The following PRR14 variants were observed in gnomAD, a reference collection of about 807,000 sequenced individuals.
The protein encoded by PRR14 is proline rich 14.
In PRR14, 33 loss-of-function variants were observed where a neutral mutation model predicts 57.2. That is an observed-to-expected ratio of 0.58 (90% CI 0.44 to 0.77). PRR14 has a LOEUF of 0.77. Ranked by LOEUF, PRR14 falls within the 30% of genes least tolerant of loss-of-function variation. The pLI, the probability that PRR14 is intolerant of heterozygous loss-of-function variation, is 0.00. For missense variants in PRR14, 716 were observed against 788.1 expected, an observed-to-expected ratio of 0.91 and a Z score of 1.10; for synonymous variants, 303 against 314.7, an observed-to-expected ratio of 0.96 and a Z score of 0.39.
At chr16:30,653,328 T>C (rs2151258058) in intron 5 of PRR14, 37 bp from the exon 6 acceptor site, 1 of 1,610,212 alleles carries the variant, frequency 6.2e-7, no homozygotes, top group African/African-American at 1.3e-5. Flanking sequence ...AAGGGGGCTT[T>C]CCTGCCTCCC....
chr16:30,653,113 C>A lies in PRR14; in HGVS notation c.504+10C>A. The A allele has an allele frequency of 6.3e-7, 1 of 1,590,140 alleles. No homozygotes were observed. The highest frequency in any genetic ancestry group is 8.6e-7 in the Non-Finnish European group (1 of 1,166,518). ...TAGACCCCCCGCTGAGGTATGGGAA[C>A]TGAGGGTACGGATGTCAAGGGTTCT... On this transcript the variant is annotated intron_variant, in intron 5 of 11. Transcript: ENST00000300835.
At position 30,654,884 on chromosome 16, in the gene PRR14, C is replaced by T. The variant is rs1567539373; in HGVS notation, c.914C>T (p.Pro305Leu). The T allele has an allele frequency of 1.9e-6, 3 of 1,611,146 alleles. No individual in the cohort carries two copies. The highest frequency in any genetic ancestry group is 1.7e-4 in the Middle Eastern group (1 of 6,048). ...GCTGAGGGCACTGCGTCTGTCAGCC[C>T]CCGGCCCCCAATCCGCCAGTGGCGA... is the stretch of plus-strand genomic sequence containing the variant. Reference protein sequence around the residue: ...GAAEGTASVSPRPPIRQWRTQ... With the variant: ...GAAEGTASVSLRPPIRQWRTQ... The change falls in exon 8 of 12, where the codon CCC (proline) becomes CTC (leucine). Residue 305 changes from proline to leucine, a missense_variant. Transcript: ENST00000300835.
Position 30,651,876 on chromosome 16 carries a change from T to C in PRR14, c.104T>C (p.Leu35Pro). 1.2e-6 allele frequency: 2 copies of C among 1,606,544 alleles called. No homozygotes were observed. The highest frequency in any genetic ancestry group is 1.7e-6 in the Non-Finnish European group (2 of 1,177,230). The change falls in exon 3 of 12, where the codon CTG becomes CCG. Residue 35 changes from leucine to proline, a missense_variant. Transcript: ENST00000300835. This position sits in a 1 kb window ranked among gnomAD's most constrained non-coding sequence, Gnocchi z 5.0. The stretch of plus-strand genomic sequence containing the variant: ...GCCAGGAGCCCGAAACGGCCGAGGC[T>C]GCAGCTCCCGGGGGCCCCTTCTCCC... ...WGARSPKRPR[L>P]QLPGAPSPLE... is the part of the protein sequence containing the mutation.
rs2052310197 is a variant in PRR14 at position 30,651,448 on chromosome 16, G to T, written c.-50-148G>T. ...AGGCGGTGGCAGCGGGAGGACACCC[G>T]CTCCGGGCGACCGGCCGGGGGCGCC... On this transcript the variant is annotated intron_variant, in intron 1 of 11. Transcript: ENST00000300835. This position sits in a 1 kb window ranked among gnomAD's most constrained non-coding sequence, Gnocchi z 5.0. 4.1e-6 allele frequency: 2 copies of T among 493,342 alleles called. No homozygotes were observed. The highest frequency in any genetic ancestry group is 8.1e-5 in the Admixed American group (2 of 24,572). 30.6% of individuals were successfully genotyped at this position (493,342 alleles called of 1,614,324 possible).
Position 30,651,703 on chromosome 16 carries a change from C to T in PRR14, c.23+35C>T. On this transcript the variant is annotated intron_variant, in intron 2 of 11. Transcript: ENST00000300835. The surrounding 1 kb of genome is among the most constrained non-coding windows in gnomAD (Gnocchi z 5.0). ...TACCCGGGCGGCCCGCCTGTCTTGA[C>T]CCCGGGAGATGGGGATCCTGGCGAC... 6.2e-7 allele frequency: 1 copy of T among 1,612,346 alleles called. No individual in the cohort carries two copies. Among genetic ancestry groups the T allele is most frequent in the Non-Finnish European group, 8.5e-7 (1 of 1,179,672 alleles).
rs1352278502 is a variant in PRR14, at chr16:30,656,129, A to G, written c.1576A>G (p.Ser526Gly). 3 of 1,577,662 alleles carry G rather than the reference A, an allele frequency of 1.9e-6. No homozygotes were observed. Among genetic ancestry groups the G allele is most frequent in the Non-Finnish European group, 2.6e-6 (3 of 1,163,386 alleles). ...KLRRAVEFRD[S>G]SLPRSRRPSR... The stretch of plus-strand genomic sequence containing the variant: ...CCGGCGGGCTGTGGAATTTCGGGAC[A>G]GCAGCCTTCCTCGATCACGAAGACC... The change falls in exon 12 of 12, where the codon AGC becomes GGC. Residue 526 changes from serine (S) to glycine (G), a missense_variant. Ser to Gly is a moderately conservative substitution (Grantham distance 56, BLOSUM62 0). Coordinates refer to ENST00000300835, the MANE Select transcript of PRR14 (RefSeq NM_024031.5).
chr16:30,654,541 T>C, intron 7 of PRR14, 88 bp from the exon 8 acceptor site: 2 of 1,154,626 alleles, frequency 1.7e-6, no homozygotes, highest in South Asian at 2.9e-5. Context: ...GGTGGGCTAA[T>C]TCCCCTGTGC....
intron 3 of PRR14, 57 bp from the exon 4 acceptor site, chr16:30,652,664 C>T (rs2052324787): frequency 1.9e-6 from 3 of 1,609,748 alleles, no homozygotes; most frequent in Non-Finnish European, 2.5e-6. Context: ...ACAGGGAAAC[C>T]TTGTCCCGTC....
rs1342092160 is a variant in PRR14 at position 30,655,905 on chromosome 16, A to G, written c.1444A>G (p.Thr482Ala). 1.2e-6 allele frequency: 2 copies of G among 1,614,146 alleles called. No individual in the cohort carries two copies. Among genetic ancestry groups the G allele is most frequent in the Non-Finnish European group, 1.7e-6 (2 of 1,180,012 alleles). ...KKEFSLEEIY[T>A]NKNYQSPTTR... ...GGAGTTCAGCTTGGAAGAAATTTAC[A>G]CCAACAAGAATTACCAATCACCCAC... The change falls in exon 11 of 12, where the codon ACC becomes GCC. Residue 482 changes from threonine to alanine, a missense_variant. Thr to Ala is a moderately conservative substitution (Grantham distance 58). Transcript: ENST00000300835. The surrounding 1 kb of genome is among the most constrained non-coding windows in gnomAD (Gnocchi z 4.6).
rs754939551 is a variant in PRR14, at chr16:30,651,863, A to G, written c.91A>G (p.Lys31Glu). Residue 31 changes from lysine (K) to glutamate (E), a missense_variant, in exon 3 of 12, where the codon AAA (lysine) becomes GAA (glutamate). By Grantham distance (56) the Lys-to-Glu change is moderately conservative. Transcript: ENST00000300835. This position sits in a 1 kb window ranked among gnomAD's most constrained non-coding sequence, Gnocchi z 5.0. ...AGCATTATGGGGAGCCAGGAGCCCGAAACGGCCGAGGCTGCAGCTCCCGGG... is the reference window on the plus strand; with the variant it reads ...AGCATTATGGGGAGCCAGGAGCCCGGAACGGCCGAGGCTGCAGCTCCCGGG... ...TRALWGARSP[K>E]RPRLQLPGAP... 1.2e-6 allele frequency: 2 copies of G among 1,607,526 alleles called. No individual in the cohort carries two copies. The highest frequency in any genetic ancestry group is 8.5e-7 in the Non-Finnish European group (1 of 1,178,432).
Position 30,652,850 on chromosome 16 carries a change from T to C in PRR14, c.314+8T>C. ...GTGGTCCTCGCAGGCCAGGTGAGCATGGCAGGATGGGGGTAAGCCGAGGGC... is the reference window on the plus strand; with the variant it reads ...GTGGTCCTCGCAGGCCAGGTGAGCACGGCAGGATGGGGGTAAGCCGAGGGC... On this transcript the variant is annotated splice_region_variant and intron_variant, in intron 4 of 11. Transcript: ENST00000300835. 1 of 1,614,092 alleles carries C rather than the reference T, an allele frequency of 6.2e-7. No individual in the cohort carries two copies. Among genetic ancestry groups the C allele is most frequent in the Non-Finnish European group, 8.5e-7 (1 of 1,180,008 alleles).
In PRR14 at chr16:30,653,479, G is replaced by A. The variant is rs945382087; in HGVS notation, c.548+71G>A. 26 of 1,480,890 alleles carry A rather than the reference G, an allele frequency of 1.8e-5. 1 individual carries two copies. The Admixed American group carries it at 2.0e-4, about 11-fold the overall frequency. The allele number at this position is 1,480,890 out of a possible 1,614,324, so 91.7% of individuals were successfully genotyped here. A position where few individuals can be genotyped will look rare whatever the true frequency, so the allele number is the denominator to read the frequency against. ...CATCATCCAGGTAGCCAGAGCTAGGGGCATCGGGACTGACTGATCCAATCC... is the reference window on the plus strand; with the variant it reads ...CATCATCCAGGTAGCCAGAGCTAGGAGCATCGGGACTGACTGATCCAATCC... On this transcript the variant is annotated intron_variant, in intron 6 of 11. Transcript: ENST00000300835.
intron 7 of PRR14, 81 bp from the exon 8 acceptor site, chr16:30,654,548 G>A: frequency 8.3e-7 from 1 of 1,206,158 alleles, no homozygotes; most frequent in Non-Finnish European, 1.2e-6. Context: ...TAATTCCCCT[G>A]TGCACAAAGT....
At position 30,651,409 on chromosome 16, in the gene PRR14, T is replaced by C; in HGVS notation, c.-50-187T>C. The C allele has an allele frequency of 2.1e-6, 1 of 477,278 alleles. No homozygotes were observed. Among genetic ancestry groups the C allele is most frequent in the Non-Finnish European group, 3.7e-6 (1 of 270,968 alleles). The allele number at this position is 477,278 out of a possible 1,614,324, so 29.6% of individuals were successfully genotyped here. The stretch of plus-strand genomic sequence containing the variant: ...CGGCAGGTGCCAGGCAGGGCGCGAG[T>C]GATCCGCTGATCGAGGCGGTGGCAG... On this transcript the variant is annotated intron_variant, in intron 1 of 11. Coordinates refer to ENST00000300835, the MANE Select transcript of PRR14 (RefSeq NM_024031.5). The surrounding 1 kb of genome is among the most constrained non-coding windows in gnomAD (Gnocchi z 5.0).
chr16:30,651,447 C>T lies in PRR14; in HGVS notation c.-50-149C>T. 1 of 493,644 alleles carries T rather than the reference C, an allele frequency of 2.0e-6. No individual in the cohort carries two copies. Among genetic ancestry groups the T allele is most frequent in the South Asian group, 3.1e-5 (1 of 32,156 alleles). The allele number at this position is 493,644 out of a possible 1,614,324, so 30.6% of individuals were successfully genotyped here. The stretch of plus-strand genomic sequence containing the variant: ...GAGGCGGTGGCAGCGGGAGGACACC[C>T]GCTCCGGGCGACCGGCCGGGGGCGC... On this transcript the variant is annotated intron_variant, in intron 1 of 11. Coordinates refer to ENST00000300835, the MANE Select transcript of PRR14 (RefSeq NM_024031.5). The surrounding 1 kb of genome is among the most constrained non-coding windows in gnomAD (Gnocchi z 5.0).
Position 30,655,466 on chromosome 16 carries a change from C to T in PRR14, c.1315-36C>T, listed in dbSNP as rs762861767. ...GAAGAGACTAGTGGGGGCCTGAGCC[C>T]ATGTCACTCTTTCACCCTCTGCCCC... is the stretch of plus-strand genomic sequence containing the variant. On this transcript the variant is annotated intron_variant, in intron 9 of 11. Transcript: ENST00000300835. The surrounding 1 kb of genome is among the most constrained non-coding windows in gnomAD (Gnocchi z 4.6). 1 of 1,613,718 alleles carries T rather than the reference C, an allele frequency of 6.2e-7. No individual in the cohort carries two copies. Among genetic ancestry groups the T allele is most frequent in the Non-Finnish European group, 8.5e-7 (1 of 1,179,614 alleles).
At position 30,654,468 on chromosome 16, in the gene PRR14, G is replaced by A. The variant is rs1297643632; in HGVS notation, c.658+129G>A. 5 of 967,440 alleles carry A rather than the reference G, an allele frequency of 5.2e-6. No individual in the cohort carries two copies. In the East Asian group the frequency reaches 1.2e-4, roughly 24 times the overall value. The allele number at this position is 967,440 out of a possible 1,614,324, so 59.9% of individuals were successfully genotyped here. A position where few individuals can be genotyped will look rare whatever the true frequency, so the allele number is the denominator to read the frequency against. ...CCCAGGGCAGGGCTTGGTATATAAA[G>A]ATGGGATGTTGATGTCAGAGGCTTG... On this transcript the variant is annotated intron_variant, in intron 7 of 11. Transcript: ENST00000300835.
At chr16:30,652,887 A>AT (rs2052327912) in intron 4 of PRR14, 27 bp from the exon 5 acceptor site, 1 of 1,613,952 alleles carries the variant, frequency 6.2e-7, no homozygotes, top group African/African-American at 1.3e-5. Context: ...CAGCTGAGCC[A>AT]TTTTAATCTT....
chr16:30,654,773 A>G lies in PRR14; in HGVS notation c.803A>G (p.Asn268Ser), dbSNP rs374931192. Residue 268 changes from asparagine (N) to serine (S), a missense_variant, in exon 8 of 12, where the codon AAC (asparagine) becomes AGC (serine). Asn to Ser is a conservative substitution (Grantham distance 46, BLOSUM62 1). Coordinates refer to ENST00000300835, the MANE Select transcript of PRR14 (RefSeq NM_024031.5). ...ESFADIFLTP[N>S]KTPQPPPPSP... Reference sequence around the variant, plus strand: ...TTTGCTGACATCTTCCTCACGCCCAACAAAACCCCACAGCCCCCACCCCCG... The same window carrying G: ...TTTGCTGACATCTTCCTCACGCCCAGCAAAACCCCACAGCCCCCACCCCCG... The G allele has an allele frequency of 1.2e-4, 199 of 1,612,076 alleles. 3 individuals carry two copies. In the South Asian group the frequency reaches 2.0e-3, roughly 16 times the overall value.
Sources: allele counts gnomAD v4.1 joint callset, GRCh38; gene constraint gnomAD v4.1.1; non-coding constraint Gnocchi (gnomAD v3.1); transcripts MANE v1.5; gene names NCBI Gene and HGNC (gene_info 2026-07-23, HGNC 2026-07-21).